The following DGKB variants were observed in gnomAD, a reference collection of about 807,000 sequenced individuals.
DGKB encodes the protein diacylglycerol kinase beta.
In DGKB, 67 loss-of-function variants were observed where a neutral mutation model predicts 114.3. That is an observed-to-expected ratio of 0.59 (90% confidence interval 0.48 to 0.72). The LOEUF is 0.72. Ranked by LOEUF, DGKB falls within the 30% of genes least tolerant of loss-of-function variation. DGKB has a pLI of 0.00. For synonymous variants in DGKB, 398 were observed against 323.1 expected (o/e 1.23, Z -2.49); for missense variants, 907 against 975.2 (o/e 0.93, Z 0.93).
intron 2 of DGKB, among the ~76,000 whole-genome samples, chr7:14,788,140 C>T (rs1383991653): frequency 6.6e-6 from 1 of 152,196 alleles, no homozygotes; most frequent in African/African-American, 2.4e-5. Flanking sequence ...AACCTTCTTG[C>T]TATTGAAGGA....
intron 23 of DGKB, among the ~76,000 whole-genome samples, chr7:14,317,985 A>G (rs1806932127): frequency 2.3e-5 from 1 of 43,598 alleles, no homozygotes; most frequent in Non-Finnish European, 5.2e-5. Context: ...AATGCCGCAT[A>G]TCTACAACTA....
chr7:14,424,243 TTTTG>T (rs1438973793), intron 21 of DGKB, among the ~76,000 whole-genome samples: 1 of 151,096 alleles, frequency 6.6e-6, no homozygotes, highest in African/African-American at 2.4e-5. Flanking sequence ...CCCTGCCCAG[TTTTG>T]TTTGTTTATT....
chr7:14,862,380 T>A (rs918924128), intron 1 of DGKB, among the ~76,000 whole-genome samples: 2 of 152,106 alleles, frequency 1.3e-5, no homozygotes, highest in East Asian at 1.9e-4. Flanking sequence ...ATAATTACCA[T>A]GCTGTACACT....
At chr7:14,523,168 C>T (rs757912721) in intron 20 of DGKB, among the ~76,000 whole-genome samples, 32 of 152,060 alleles carry the variant, frequency 2.1e-4, no homozygotes, top group Non-Finnish European at 4.3e-4. Context: ...AAGTAGATTT[C>T]CTTCCTAAAT....
Position 14,614,901 on chromosome 7 carries a change from T to C in DGKB, c.1285-1488A>G, listed in dbSNP as rs192623685. Among the ~76,000 whole-genome samples the C allele has an allele frequency of 2.0e-5, 3 of 152,178 alleles. No homozygotes were observed. In the East Asian group the frequency reaches 5.8e-4, roughly 29 times the overall value. On this transcript the variant is annotated intron_variant, in intron 15 of 25. Transcript: ENST00000402815. The stretch of plus-strand genomic sequence containing the variant: ...AACTTATGCACTAACTTCCCAGGTC[T>C]CCCCTGAACCAAATGTGTGCAATCA...
chr7:14,504,572 A>G (rs1281423215), intron 20 of DGKB, among the ~76,000 whole-genome samples: 2 of 152,160 alleles, frequency 1.3e-5, no homozygotes, highest in South Asian at 2.1e-4. Flanking sequence ...ATGATTACTA[A>G]TGCACTGTAA....
At chr7:14,919,773 C>T (rs561203851) in intron 1 of DGKB, among the ~76,000 whole-genome samples, 14 of 152,100 alleles carry the variant, frequency 9.2e-5, no homozygotes, top group African/African-American at 3.4e-4. Flanking sequence ...TGGCTTGGTG[C>T]CATCCCCTTC....
chr7:14,441,404 T>C (rs762775887), intron 21 of DGKB, among the ~76,000 whole-genome samples: 1 of 152,178 alleles, frequency 6.6e-6, no homozygotes, highest in East Asian at 1.9e-4. Context: ...TTGTCAATTA[T>C]AGACCTTGAA....
intron 13 of DGKB, among the ~76,000 whole-genome samples, chr7:14,666,672 A>G (rs992540382): frequency 6.6e-6 from 1 of 151,986 alleles, no homozygotes; most frequent in Non-Finnish European, 1.5e-5. Flanking sequence ...TGGAAGTAAA[A>G]TAAGGGGAGG....
intron 20 of DGKB, among the ~76,000 whole-genome samples, chr7:14,531,679 A>G (rs1417422066): frequency 6.6e-6 from 1 of 151,258 alleles, no homozygotes; most frequent in Non-Finnish European, 1.5e-5. Context: ...TTTTTGAGAA[A>G]TCAACAAGAT....
At chr7:14,832,904 G>C (rs1179516549) in intron 2 of DGKB, among the ~76,000 whole-genome samples, 3 of 152,108 alleles carry the variant, frequency 2.0e-5, no homozygotes, top group East Asian at 3.9e-4. Context: ...GTATTTCCAA[G>C]TATCGAATTT....
chr7:14,535,235 C>T (rs76028211), intron 20 of DGKB, among the ~76,000 whole-genome samples: 96 of 151,834 alleles, frequency 6.3e-4, no homozygotes, highest in Middle Eastern at 3.4e-3. Context: ...CAGGCATGAT[C>T]GTGTGAGTCT....
chr7:14,282,916 G>C (rs1483168449), intron 23 of DGKB, among the ~76,000 whole-genome samples: 1 of 151,890 alleles, frequency 6.6e-6, no homozygotes, highest in Non-Finnish European at 1.5e-5. Flanking sequence ...ATACTGAATG[G>C]GCAAAAACTG....
intron 25 of DGKB, among the ~76,000 whole-genome samples, chr7:14,170,157 GAAAGAAAGAAAGAAAGAA>G (rs1780725763): frequency 1.1e-5 from 1 of 87,288 alleles, no homozygotes; most frequent in Non-Finnish European, 2.1e-5. Flanking sequence ...AAGAAAGAAA[GAAAGAAAGAAAGAAAGAA>G]AGAAAGAAAG....
intron 23 of DGKB, among the ~76,000 whole-genome samples, chr7:14,323,847 TA>T (rs1174322220): frequency 6.6e-6 from 1 of 152,200 alleles, no homozygotes; most frequent in African/African-American, 2.4e-5. Context: ...ATCTGTCCAT[TA>T]AATATACATG....
At chr7:14,742,601 C>T (rs901567741) in intron 4 of DGKB, among the ~76,000 whole-genome samples, 2 of 152,142 alleles carry the variant, frequency 1.3e-5, no homozygotes, top group African/African-American at 2.4e-5. Context: ...GTTCAACTTG[C>T]CTGCTTTACA....
intron 23 of DGKB, among the ~76,000 whole-genome samples, chr7:14,185,002 A>G (rs182030720): frequency 3.9e-5 from 6 of 152,260 alleles, no homozygotes; most frequent in African/African-American, 1.4e-4. Flanking sequence ...ACTCTTCAAC[A>G]TAGTACTGGA....
intron 25 of DGKB, among the ~76,000 whole-genome samples, chr7:14,170,169 G>GAA (rs1393313636): frequency 7.4e-6 from 1 of 135,868 alleles, no homozygotes; most frequent in Non-Finnish European, 1.5e-5. Context: ...AAGAAAGAAA[G>GAA]AAAGAAAGAA....
chr7:14,153,291 C>T (rs376248430), intron 25 of DGKB, among the ~76,000 whole-genome samples: 12 of 152,116 alleles, frequency 7.9e-5, no homozygotes, highest in South Asian at 6.2e-4. Flanking sequence ...AACAACCGCT[C>T]GACATCCTTT....
Sources: gnomAD v4.1 joint callset for allele counts (sites outside exome capture counted in the v4.1 genomes callset) on GRCh38, gnomAD v4.1.1 for gene constraint, MANE v1.5 for transcripts, NCBI Gene and HGNC (gene_info 2026-07-23, HGNC 2026-07-21) for gene names.